The following PCSK5 variants were observed in gnomAD, a reference collection of about 807,000 sequenced individuals.
PCSK5 encodes prohormone convertase 5.
PCSK5 carries 129 observed loss-of-function variants against 233.2 expected under a neutral mutation model. That is an observed-to-expected ratio of 0.55 (90% confidence interval 0.48 to 0.64). The LOEUF (loss-of-function observed/expected upper bound fraction) is 0.64, where lower values mean the gene tolerates loss of function less well. PCSK5 is among the 30% of genes least tolerant of loss of function. The pLI is 0.00. For synonymous variants in PCSK5, 825 were observed against 879.2 expected, an observed-to-expected ratio of 0.94 and a Z score of 1.09; for missense variants, 2,076 against 2,430.1, an observed-to-expected ratio of 0.85 and a Z score of 3.06.
rs1830381060 is a variant in PCSK5 at position 76,359,207 on chromosome 9, G to GA, written c.*289dup. 2.6e-6 allele frequency: 1 copy of GA among 378,468 alleles called. No individual in the cohort carries two copies. Among genetic ancestry groups the GA allele is most frequent in the Admixed American group, 3.9e-5 (1 of 25,538 alleles). 23.4% of individuals were successfully genotyped at this position (378,468 alleles called of 1,614,324 possible). A position where few individuals can be genotyped will look rare whatever the true frequency, so the allele number is the denominator to read the frequency against. ...GTTAAGACACAAAAATGAAGGAAGT[G>GA]AAAACAAATGAGATTTGTACAAACT... On this transcript the variant is annotated 3_prime_UTR_variant, in exon 38 of 38. Transcript: ENST00000674117.
chr9:76,251,917 C>G (rs938708771), intron 24 of PCSK5, among the ~76,000 whole-genome samples: 3 of 151,978 alleles, frequency 2.0e-5, no homozygotes, highest in Non-Finnish European at 2.9e-5. Context: ...ATCATACTAG[C>G]TAATGTTCTT....
intron 16 of PCSK5, 117 bp from the exon 17 acceptor site, chr9:76,184,556 T>C: frequency 1.8e-6 from 1 of 546,486 alleles, no homozygotes; most frequent in Non-Finnish European, 3.2e-6. Context: ...TTTCCTGCAA[T>C]TGTCTAGTCA....
chr9:76,144,160 C>CT (rs777038926), intron 10 of PCSK5, among the ~76,000 whole-genome samples: 6 of 152,094 alleles, frequency 3.9e-5, no homozygotes, highest in Non-Finnish European at 8.8e-5. Context: ...CTGAAGCCAA[C>CT]TTAGAATTTT....
At chr9:76,117,563 T>TA (rs1313215837) in intron 9 of PCSK5, among the ~76,000 whole-genome samples, 2 of 152,160 alleles carry the variant, frequency 1.3e-5, no homozygotes, top group Non-Finnish European at 2.9e-5. Flanking sequence ...AAGCACATCT[T>TA]ACCTTTTTCG....
rs372668440 is a variant in PCSK5 at position 76,274,279 on chromosome 9, T to G, written c.3143-17954T>G. The stretch of plus-strand genomic sequence containing the variant: ...ATGTCTATCACTTATAGAAGTTATA[T>G]GTAGTTGTTTTACAAACCACACGGT... On this transcript the variant is annotated intron_variant, in intron 24 of 37. Transcript: ENST00000674117. 3.3e-5 allele frequency among the ~76,000 whole-genome samples: 5 copies of G among 152,292 alleles called. No individual in the cohort carries two copies. In the South Asian group the frequency reaches 1.0e-3, roughly 32 times the overall value.
intron 30 of PCSK5, among the ~76,000 whole-genome samples, chr9:76,313,851 A>G (rs1160713724): frequency 6.6e-6 from 1 of 152,158 alleles, no homozygotes; most frequent in African/African-American, 2.4e-5. Context: ...GCAAAGGGTC[A>G]GAGTAAGAGA....
chr9:76,258,238 T>A (rs1827046514), intron 24 of PCSK5, among the ~76,000 whole-genome samples: 1 of 152,208 alleles, frequency 6.6e-6, no homozygotes, highest in South Asian at 2.1e-4. Flanking sequence ...TAATTTATCA[T>A]CATGGTAGAA....
intron 5 of PCSK5, among the ~76,000 whole-genome samples, chr9:76,052,031 C>T (rs1189361286): frequency 6.6e-6 from 1 of 152,140 alleles, no homozygotes; most frequent in Non-Finnish European, 1.5e-5. Flanking sequence ...TCAAGTCTCA[C>T]ACCAAAAACT....
At chr9:76,114,166 G>A (rs577048472) in intron 9 of PCSK5, among the ~76,000 whole-genome samples, 20 of 152,160 alleles carry the variant, frequency 1.3e-4, no homozygotes, top group African/African-American at 4.8e-4. Flanking sequence ...AGAGGGTGAA[G>A]AGAATTAAAA....
intron 12 of PCSK5, among the ~76,000 whole-genome samples, chr9:76,161,136 T>A (rs1463930095): frequency 6.6e-6 from 1 of 152,206 alleles, no homozygotes; most frequent in African/African-American, 2.4e-5. Flanking sequence ...TTCTTTCAAA[T>A]CTGACGTCTT....
At position 76,159,043 on chromosome 9, in the gene PCSK5, C is replaced by T; in HGVS notation, c.1491C>T (p.Asn497=). Residue 497 remains asparagine (N), a synonymous_variant, in exon 12 of 38, where the codon AAC becomes AAT. Transcript: ENST00000674117. ...SIYKASGCSD[N]PNRHVNYLEH... ...ACAAAGCTTCAGGCTGCTCGGATAA[C>T]CCCAACCGCCATGTCAACTACCTGG... 6.2e-7 allele frequency: 1 copy of T among 1,614,136 alleles called. No individual in the cohort carries two copies. The highest frequency in any genetic ancestry group is 1.1e-5 in the South Asian group (1 of 91,084).
At chr9:75,892,013 C>G (rs1825631285) in intron 1 of PCSK5, among the ~76,000 whole-genome samples, 1 of 152,070 alleles carries the variant, frequency 6.6e-6, no homozygotes, top group South Asian at 2.1e-4. Flanking sequence ...TAAGCGAGGT[C>G]CGCGTGGGGG....
intron 20 of PCSK5, chr9:76,195,596 A>G (rs1250919138): frequency 6.6e-6 from 1 of 152,146 alleles, no homozygotes; most frequent in Non-Finnish European, 1.5e-5. Flanking sequence ...ATGTATAAAT[A>G]TATATATTCA....
chr9:75,891,422 G>A (rs1825589725), intron 1 of PCSK5, 49 bp downstream of exon 1: 1 of 1,417,118 alleles, frequency 7.1e-7, no homozygotes, highest in Admixed American at 2.4e-5. Context: ...GCCACTGGGG[G>A]CTTCTTGTCC....
intron 30 of PCSK5, among the ~76,000 whole-genome samples, chr9:76,315,848 T>C (rs1374674548): frequency 6.6e-6 from 1 of 151,794 alleles, no homozygotes. Flanking sequence ...GCCAAGCTGG[T>C]CTTGAATTCC....
rs1414072668 is a variant in PCSK5, at chr9:75,918,772, C to T, written c.193-13607C>T. Reference sequence around the variant, plus strand: ...ATATTGCAAATGATTCTCAAGGTTGCTTTTTGCACTGTATAATTCCAAATG... The same window carrying T: ...ATATTGCAAATGATTCTCAAGGTTGTTTTTTGCACTGTATAATTCCAAATG... On this transcript the variant is annotated intron_variant, in intron 1 of 37. Transcript: ENST00000674117. 5.3e-5 allele frequency among the ~76,000 whole-genome samples: 8 copies of T among 152,158 alleles called. No homozygotes were observed. The East Asian group carries it at 1.3e-3, about 26-fold the overall frequency.
chr9:76,308,500 G>A, intron 28 of PCSK5, 145 bp from the exon 29 acceptor site: 1 of 645,530 alleles, frequency 1.5e-6, no homozygotes, highest in Non-Finnish European at 2.8e-6. Flanking sequence ...ATGAGCCAGT[G>A]CCAACAATCA....
At chr9:76,048,931 G>A (rs1829521922) in intron 5 of PCSK5, among the ~76,000 whole-genome samples, 2 of 152,144 alleles carry the variant, frequency 1.3e-5, no homozygotes, top group South Asian at 2.1e-4. Context: ...AGGTAGAAAA[G>A]GTAGAAGCAT....
chr9:76,105,594 A>G (rs866114475), intron 8 of PCSK5, among the ~76,000 whole-genome samples: 1 of 152,254 alleles, frequency 6.6e-6, no homozygotes, highest in East Asian at 1.9e-4. Context: ...ACAGTTTCTT[A>G]ACATAAAAGT....
Sources: gnomAD v4.1 joint callset for allele counts (sites outside exome capture counted in the v4.1 genomes callset) on GRCh38, gnomAD v4.1.1 for gene constraint, MANE v1.5 for transcripts, NCBI Gene and HGNC (gene_info 2026-07-23, HGNC 2026-07-21) for gene names.